The following HIGD1A variants were observed in gnomAD, a reference collection of about 807,000 sequenced individuals.
HIGD1A encodes HIG1 hypoxia inducible domain family member 1A, also known as HIG1 domain family member 1A, mitochondrial.
A neutral mutation model predicts 11.3 loss-of-function variants in HIGD1A; 8 were observed. The ratio of observed to expected loss-of-function variants is 0.71; its 90% CI spans 0.42 to 1.28. The LOEUF is 1.28. Among genes scored for constraint, HIGD1A ranks in the 50% most tolerant of loss-of-function variants. The pLI is 0.01. For missense variants in HIGD1A, 107 were observed against 118.8 expected (o/e 0.90, Z 0.46); for synonymous variants, 32 against 38.4 (o/e 0.83, Z 0.62).
chr3:42,788,463 A>G (rs1456653206), intron 2 of HIGD1A, among the ~76,000 whole-genome samples: 1 of 152,236 alleles, frequency 6.6e-6, no homozygotes, highest in African/African-American at 2.4e-5. Flanking sequence ...AGGTCTAATA[A>G]AAATTATAAG....
intron 1 of HIGD1A, among the ~76,000 whole-genome samples, chr3:42,802,868 A>G (rs1373945587): frequency 1.3e-5 from 2 of 152,180 alleles, no homozygotes; most frequent in African/African-American, 4.8e-5. Flanking sequence ...TGCTGATGTA[A>G]ATTAGATTAA....
chr3:42,786,619 T>C (rs4404423), intron 2 of HIGD1A, among the ~76,000 whole-genome samples: 145,295 of 152,188 alleles, frequency 0.95, 69,739 homozygotes, highest in East Asian at 1. Flanking sequence ...CTTTGGGATA[T>C]TGTACTGGGA....
Position 42,785,221 on chromosome 3 carries a change from A to C in HIGD1A, c.*50T>G. On this transcript the variant is annotated 3_prime_UTR_variant, in exon 4 of 4. Coordinates refer to ENST00000321331, the MANE Select transcript of HIGD1A (RefSeq NM_014056.4). The stretch of plus-strand genomic sequence containing the variant: ...TAATAGGTAACTTTAATAATAAGAC[A>C]TCTAACTAAAGCAAGCTCCTCCAAC... 2 of 1,358,256 alleles carry C rather than the reference A, an allele frequency of 1.5e-6. No individual in the cohort carries two copies. The highest frequency in any genetic ancestry group is 2.1e-6 in the Non-Finnish European group (2 of 959,526). 84.1% of individuals were successfully genotyped at this position (1,358,256 alleles called of 1,614,324 possible).
chr3:42,786,271 A>T, intron 2 of HIGD1A, 109 bp from the exon 3 acceptor site: 5 of 1,242,226 alleles, frequency 4.0e-6, no homozygotes, highest in Non-Finnish European at 5.6e-6. Flanking sequence ...TTATCAGATC[A>T]TTAATTAGCT....
intron 2 of HIGD1A, among the ~76,000 whole-genome samples, chr3:42,789,553 A>G (rs912158141): frequency 2.4e-5 from 2 of 85,066 alleles, no homozygotes; most frequent in African/African-American, 7.9e-5. Flanking sequence ...ATTCACTGGA[A>G]GAACATCCAA....
At position 42,784,535 on chromosome 3, in the gene HIGD1A, C is replaced by T. The variant is rs1700325584; in HGVS notation, c.*736G>A. 6.6e-6 allele frequency: 1 copy of T among 152,638 alleles called. No homozygotes were observed. The highest frequency in any genetic ancestry group is 1.5e-5 in the Non-Finnish European group (1 of 68,036). 9.5% of individuals were successfully genotyped at this position (152,638 alleles called of 1,614,324 possible). The stretch of plus-strand genomic sequence containing the variant: ...TTATGGAAAAAATTAGCAACACACA[C>T]ATTTAAAACGTGTTCATTTACCTTT... On this transcript the variant is annotated 3_prime_UTR_variant, in exon 4 of 4. Transcript: ENST00000321331.
At chr3:42,803,339 A>G (rs913536391) in intron 1 of HIGD1A, among the ~76,000 whole-genome samples, 1 of 152,174 alleles carries the variant, frequency 6.6e-6, no homozygotes, top group African/African-American at 2.4e-5. Flanking sequence ...TGTCACGGGA[A>G]TTACTATCTA....
At chr3:42,785,959 T>C (rs1700344268) in intron 3 of HIGD1A, 69 bp downstream of exon 3, 1 of 1,420,210 alleles carries the variant, frequency 7.0e-7, no homozygotes, top group African/African-American at 1.4e-5. Flanking sequence ...TAAAAATATT[T>C]ACCTATTTTG....
At chr3:42,793,180 C>T (rs7648688) in intron 2 of HIGD1A, among the ~76,000 whole-genome samples, 145,328 of 152,226 alleles carry the variant, frequency 0.95, 69,753 homozygotes, top group East Asian at 1. Context: ...TTAAAATTCT[C>T]TGTAAGATTA....
At position 42,794,300 on chromosome 3, in the gene HIGD1A, C is replaced by G. The variant is rs754946572; in HGVS notation, c.-22-25G>C. 5.2e-6 allele frequency: 8 copies of G among 1,545,616 alleles called. No homozygotes were observed. The African/African-American group carries it at 8.5e-5, about 16-fold the overall frequency. ...CCTGAGAAAGAATTTCTATGAGGTT[C>G]TGTAATTAAAAGCATCTGAACATTA... On this transcript the variant is annotated intron_variant, in intron 1 of 3. Transcript: ENST00000321331.
chr3:42,794,341 T>C, intron 1 of HIGD1A, 66 bp from the exon 2 acceptor site: 1 of 1,358,178 alleles, frequency 7.4e-7, no homozygotes, highest in Non-Finnish European at 9.9e-7. Flanking sequence ...TATCTGGATG[T>C]ATTTAAAATA....
At chr3:42,803,654 C>G (rs1168022426) in intron 1 of HIGD1A, among the ~76,000 whole-genome samples, 7 of 152,206 alleles carry the variant, frequency 4.6e-5, no homozygotes. Context: ...GGATCCCTGT[C>G]GTGGGGATTA....
At chr3:42,792,034 T>A (rs1346789070) in intron 2 of HIGD1A, among the ~76,000 whole-genome samples, 9 of 152,154 alleles carry the variant, frequency 5.9e-5, no homozygotes, top group Non-Finnish European at 7.3e-5. Context: ...AAGAAAAATA[T>A]TTCATCTAAA....
At chr3:42,787,800 G>A (rs1366107252) in intron 2 of HIGD1A, among the ~76,000 whole-genome samples, 2 of 150,248 alleles carry the variant, frequency 1.3e-5, no homozygotes, top group African/African-American at 4.9e-5. Flanking sequence ...GAATTGCACG[G>A]CACCATTAAA....
chr3:42,789,005 A>C (rs1161623879), intron 2 of HIGD1A, among the ~76,000 whole-genome samples: 1 of 151,566 alleles, frequency 6.6e-6, no homozygotes, highest in East Asian at 1.9e-4. Context: ...GAATAATATT[A>C]TCAACCATGA....
At chr3:42,788,470 T>A (rs527409996) in intron 2 of HIGD1A, among the ~76,000 whole-genome samples, 2 of 152,322 alleles carry the variant, frequency 1.3e-5, no homozygotes, top group South Asian at 4.1e-4. Flanking sequence ...ATAAAAATTA[T>A]AAGGGCATTC....
chr3:42,792,250 T>C (rs185341138), intron 2 of HIGD1A, among the ~76,000 whole-genome samples: 87 of 152,306 alleles, frequency 5.7e-4, no homozygotes, highest in African/African-American at 2.0e-3. Flanking sequence ...TGGAGAGCCA[T>C]CTAAAAGGAT....
chr3:42,804,143 C>T lies in HIGD1A; in HGVS notation c.-23+293G>A, dbSNP rs749638396. The stretch of plus-strand genomic sequence containing the variant: ...CCCCCGTCTCTCATTACCACCCCAT[C>T]AGCGAGTCTTCCCCGCTCGGCAACT... On this transcript the variant is annotated intron_variant, in intron 1 of 3. Transcript: ENST00000321331. 3.1e-6 allele frequency: 5 copies of T among 1,606,582 alleles called. No homozygotes were observed. In the African/African-American group the frequency reaches 4.0e-5, roughly 13 times the overall value.
intron 2 of HIGD1A, among the ~76,000 whole-genome samples, chr3:42,789,335 G>T (rs1700390846): frequency 1.3e-5 from 2 of 151,976 alleles, no homozygotes; most frequent in Admixed American, 1.3e-4. Flanking sequence ...GAACCACTGT[G>T]CCTGGCCTAC....
Sources: gnomAD v4.1 joint callset for allele counts (sites outside exome capture counted in the v4.1 genomes callset) on GRCh38, gnomAD v4.1.1 for gene constraint, MANE v1.5 for transcripts, NCBI Gene and HGNC (gene_info 2026-07-23, HGNC 2026-07-21) for gene names.